Variants in CUX1 observed in about 807,000 individuals in gnomAD.
CUX1 encodes protein CASP.
A neutral mutation model predicts 158.8 loss-of-function variants in CUX1; 31 were observed. The ratio of observed to expected loss-of-function variants is 0.20; its 90% CI spans 0.15 to 0.26. The LOEUF (loss-of-function observed/expected upper bound fraction) is 0.26, where lower values mean the gene tolerates loss of function less well. Ranked by LOEUF, CUX1 falls within the 10% of genes least tolerant of loss-of-function variation. The pLI, the probability that CUX1 is intolerant of heterozygous loss-of-function variation, is 1.00. For missense variants in CUX1, 1,589 were observed against 2,014.6 expected (o/e 0.79, Z 4.04); for synonymous variants, 879 against 862.1 (o/e 1.02, Z -0.34).
At chr7:102,125,313 C>T (rs1430279517) in intron 8 of CUX1, among the ~76,000 whole-genome samples, 1 of 152,118 alleles carries the variant, frequency 6.6e-6, no homozygotes, top group Non-Finnish European at 1.5e-5. Flanking sequence ...GCTGTTGGCT[C>T]CTAAGCAGAA....
rs368042482 is a variant in CUX1 at position 101,996,642 on chromosome 7, T to TCTCC, written c.142-31435_142-31432dup. On this transcript the variant is annotated intron_variant, in intron 2 of 23. Transcript: ENST00000292535. ...CTTTCCTCCCTCCCTCCCTCATTTC[T>TCTCC]CTCCCTCCCTCCCTCCCTCCCTCCA... Among the ~76,000 whole-genome samples, 229 of 144,926 alleles carry TCTCC rather than the reference T, an allele frequency of 1.6e-3. 1 individual carries two copies. The highest frequency in any genetic ancestry group is 3.1e-3 in the East Asian group (15 of 4,830).
At chr7:101,892,771 G>A (rs981833149) in intron 1 of CUX1, among the ~76,000 whole-genome samples, 5 of 152,054 alleles carry the variant, frequency 3.3e-5, no homozygotes, top group Non-Finnish European at 7.4e-5. Context: ...AAGAGAATGA[G>A]GGAGAGCTGT....
intron 20 of CUX1, among the ~76,000 whole-genome samples, chr7:102,212,377 C>A (rs988846171): frequency 5.9e-5 from 9 of 152,160 alleles, no homozygotes; most frequent in Non-Finnish European, 1.2e-4. Context: ...CCTTCCAGCA[C>A]CACTCGTCAC....
At chr7:102,206,360 G>A in intron 20 of CUX1, among the ~76,000 whole-genome samples, 1 of 152,202 alleles carries the variant, frequency 6.6e-6, no homozygotes, top group East Asian at 1.9e-4. Flanking sequence ...CACTCATTCT[G>A]GCTTGGCCAA....
At chr7:102,216,503 C>T (rs1297617) in intron 20 of CUX1, among the ~76,000 whole-genome samples, 76,316 of 135,210 alleles carry the variant, frequency 0.56, 22,969 homozygotes, top group East Asian at 0.93. Context: ...AGAGGGCGTG[C>T]GTGTGTGCGC....
intron 9 of CUX1, among the ~76,000 whole-genome samples, chr7:102,166,028 C>T (rs1790988928): frequency 6.6e-6 from 1 of 152,154 alleles, no homozygotes; most frequent in African/African-American, 2.4e-5. Flanking sequence ...AGAGTAATTT[C>T]CCCCAAAAGG....
At chr7:101,843,783 C>A (rs1332463732) in intron 1 of CUX1, among the ~76,000 whole-genome samples, 2 of 152,048 alleles carry the variant, frequency 1.3e-5, no homozygotes, top group Non-Finnish European at 2.9e-5. Context: ...GACTGTGGCC[C>A]TCGGGTGTGC....
rs181160243 is a variant in CUX1 at position 102,104,657 on chromosome 7, C to T, written c.530+198C>T. Among the ~76,000 whole-genome samples, 1,393 of 152,032 alleles carry T rather than the reference C, an allele frequency of 9.2e-3. 12 individuals are homozygous for T. The highest frequency in any genetic ancestry group is 0.014 in the Non-Finnish European group (986 of 68,002). Reference sequence around the variant, plus strand: ...CTGTAATCTCAGCACTTTGGGAGGCCGAGGTGGGTGGATCATGAGGTCAGG... The same window carrying T: ...CTGTAATCTCAGCACTTTGGGAGGCTGAGGTGGGTGGATCATGAGGTCAGG... On this transcript the variant is annotated intron_variant, in intron 6 of 23. Coordinates refer to ENST00000292535, the MANE Select transcript of CUX1 (RefSeq NM_181552.4).
intron 1 of CUX1, among the ~76,000 whole-genome samples, chr7:101,880,774 G>T (rs1799625085): frequency 6.6e-6 from 1 of 152,224 alleles, no homozygotes; most frequent in African/African-American, 2.4e-5. Flanking sequence ...GTTTTGGAAA[G>T]ACGGTGGGGT....
chr7:102,165,263 G>A (rs1489635965), intron 9 of CUX1, among the ~76,000 whole-genome samples: 1 of 151,244 alleles, frequency 6.6e-6, no homozygotes, highest in Non-Finnish European at 1.5e-5. Context: ...CGTTTTATGA[G>A]TCAAATTGTT....
exon 23 of CUX1, chr7:102,283,394 G>T (rs919555562): frequency 1.2e-4 from 49 of 416,784 alleles, no homozygotes; most frequent in African/African-American, 7.9e-4. Context: ...TGGTGGCAGA[G>T]GTCCCTCAGC....
chr7:102,017,299 A>AAAG (rs1388096352), intron 2 of CUX1, among the ~76,000 whole-genome samples: 1 of 151,480 alleles, frequency 6.6e-6, no homozygotes, highest in Admixed American at 6.6e-5. Context: ...TCAAAAAAAA[A>AAAG]AAAAAAAGTG....
At chr7:102,164,270 G>T (rs559036543) in intron 9 of CUX1, among the ~76,000 whole-genome samples, 2 of 152,200 alleles carry the variant, frequency 1.3e-5, no homozygotes, top group African/African-American at 2.4e-5. Flanking sequence ...CTATCCTCTC[G>T]CCTTGGCCTA....
chr7:101,917,829 T>C (rs1584976210), intron 2 of CUX1, among the ~76,000 whole-genome samples: 2 of 151,976 alleles, frequency 1.3e-5, no homozygotes, highest in Non-Finnish European at 2.9e-5. Context: ...TGTCTGAGGG[T>C]TTCCATAGAA....
chr7:101,859,126 C>T (rs889029975), intron 1 of CUX1, among the ~76,000 whole-genome samples: 1 of 152,148 alleles, frequency 6.6e-6, no homozygotes, highest in African/African-American at 2.4e-5. Context: ...TGTTTATGCC[C>T]TTGTCACTAA....
At chr7:102,222,268 A>G (rs782001037) in intron 20 of CUX1, among the ~76,000 whole-genome samples, 19 of 152,002 alleles carry the variant, frequency 1.2e-4, no homozygotes, top group Non-Finnish European at 1.9e-4. Flanking sequence ...ACAGAGCAAG[A>G]CCTCGTCTCA....
rs1247946002 is a variant in CUX1 at position 102,251,961 on chromosome 7, T to A, written c.*2919T>A. On this transcript the variant is annotated 3_prime_UTR_variant, in exon 24 of 24. Transcript: ENST00000292535. ...GACCCTCCCAAGCAATTTAGTCATA[T>A]GTGTTGTTTTCTCTTTTCTGTTTTT... The A allele has an allele frequency of 5.1e-6, 5 of 985,300 alleles. No homozygotes were observed. The Admixed American group carries it at 2.5e-4, about 48-fold the overall frequency. The allele number at this position is 985,300 out of a possible 1,614,324, so 61.0% of individuals were successfully genotyped here. A position where few individuals can be genotyped will look rare whatever the true frequency, so the allele number is the denominator to read the frequency against.
chr7:102,281,800 A>C (rs2132850396), intron 20 of CUX1: 1 of 1,362,220 alleles, frequency 7.3e-7, no homozygotes, highest in Non-Finnish European at 1.1e-6. Context: ...GGGGTGGGTG[A>C]GGCCGGCCCC....
intron 2 of CUX1, among the ~76,000 whole-genome samples, chr7:102,006,630 G>A (rs978106884): frequency 2.6e-5 from 4 of 152,114 alleles, no homozygotes; most frequent in Admixed American, 6.6e-5. Context: ...CGATCCACCC[G>A]CTTCAGCCTC....
Sources: gnomAD v4.1 joint callset for allele counts (sites outside exome capture counted in the v4.1 genomes callset) on GRCh38, gnomAD v4.1.1 for gene constraint, MANE v1.5 for transcripts, NCBI Gene and HGNC (gene_info 2026-07-23, HGNC 2026-07-21) for gene names.